Variants in NT5DC3 observed in about 807,000 individuals in gnomAD.
NT5DC3 encodes the protein 5'-nucleotidase domain-containing protein 3.
A neutral mutation model predicts 67.8 loss-of-function variants in NT5DC3; 42 were observed. The observed-to-expected ratio is 0.62, with a 90% CI of 0.48 to 0.80. The LOEUF is 0.80. Ranked by LOEUF, NT5DC3 falls within the 30% of genes least tolerant of loss-of-function variation. The pLI is 0.00. For missense variants in NT5DC3, 570 were observed against 696.4 expected, an observed-to-expected ratio of 0.82 and a Z score of 2.04; for synonymous variants, 237 against 255.6, an observed-to-expected ratio of 0.93 and a Z score of 0.69.
At chr12:103,762,373 C>A in the NT5DC3 span, 2 of 1,614,174 alleles carry the variant, frequency 1.2e-6, no homozygotes, top group Admixed American at 1.7e-5. Flanking sequence ...TCGGATAAAC[C>A]GGAGAACAAT....
At chr12:103,755,220 A>G in the NT5DC3 span, 3 of 1,555,676 alleles carry the variant, frequency 1.9e-6, no homozygotes, top group Non-Finnish European at 2.6e-6. Context: ...TTATGGCCTA[A>G]TAGGGGAATC....
chr12:103,833,722 A>AG (rs2139479896), intron 1 of NT5DC3, among the ~76,000 whole-genome samples: 1 of 151,932 alleles, frequency 6.6e-6, no homozygotes, highest in African/African-American at 2.4e-5. Flanking sequence ...TTCTAATGAA[A>AG]AAAAAAAAAA....
chr12:103,812,038 C>T (rs1189415477), intron 2 of NT5DC3, among the ~76,000 whole-genome samples: 2 of 151,810 alleles, frequency 1.3e-5, no homozygotes, highest in African/African-American at 2.4e-5. Context: ...TCTACCCCTC[C>T]CTTTCTATTC....
At chr12:103,788,623 T>C (rs1192091616) in intron 10 of NT5DC3, among the ~76,000 whole-genome samples, 2 of 152,208 alleles carry the variant, frequency 1.3e-5, no homozygotes, top group Non-Finnish European at 2.9e-5. Context: ...AAATTTTGTT[T>C]TTAAAAAAAC....
chr12:103,798,467 C>T, intron 5 of NT5DC3, 120 bp downstream of exon 5: 1 of 690,558 alleles, frequency 1.4e-6, no homozygotes, highest in Non-Finnish European at 2.6e-6. Flanking sequence ...ACGCTAGTCT[C>T]TCTCAACACA....
At position 103,786,681 on chromosome 12, in the gene NT5DC3, A is replaced by ATTTTTTTTTTTTT. The variant is rs3036176; in HGVS notation, c.1188+747_1188+759dup. ...GATGCCCACCTTCCTCACTGGTTTGATTTTTTTTTTTTTTTTTTTGAGGCA... is the reference window on the plus strand; with the variant it reads ...GATGCCCACCTTCCTCACTGGTTTGATTTTTTTTTTTTTTTTTTTTTTTTTTTTTTTTGAGGCA... On this transcript the variant is annotated intron_variant, in intron 11 of 13. Coordinates refer to ENST00000392876, the MANE Select transcript of NT5DC3 (RefSeq NM_001031701.3). Among the ~76,000 whole-genome samples the ATTTTTTTTTTTTT allele has an allele frequency of 6.0e-5, 8 of 132,378 alleles. 1 individual carries two copies. The highest frequency in any genetic ancestry group is 8.0e-5 in the Admixed American group (1 of 12,502). 86.8% of individuals were successfully genotyped at this position (132,378 alleles called of 152,430 possible).
intron 13 of NT5DC3, among the ~76,000 whole-genome samples, chr12:103,779,977 A>G (rs1395611697): frequency 2.0e-5 from 3 of 152,208 alleles, no homozygotes; most frequent in African/African-American, 7.2e-5. Flanking sequence ...TGCCAGCATT[A>G]TTAACAACTG....
intron 1 of NT5DC3, among the ~76,000 whole-genome samples, chr12:103,821,378 G>A (rs201843685): frequency 6.6e-6 from 1 of 152,106 alleles, no homozygotes; most frequent in African/African-American, 2.4e-5. Flanking sequence ...TGGTCTCATG[G>A]GGTTCCATTC....
chr12:103,764,125 G>A, the NT5DC3 span, among the ~76,000 whole-genome samples: 1 of 151,906 alleles, frequency 6.6e-6, no homozygotes, highest in Non-Finnish European at 1.5e-5. Flanking sequence ...AGCTAACTTT[G>A]TATTGTTAAT....
In NT5DC3 at chr12:103,806,304, A is replaced by G. The variant is rs1188213219; in HGVS notation, c.524+18T>C. 1 of 1,532,698 alleles carries G rather than the reference A, an allele frequency of 6.5e-7. No homozygotes were observed. Among genetic ancestry groups the G allele is most frequent in the Admixed American group, 1.7e-5 (1 of 59,888 alleles). The allele number at this position is 1,532,698 out of a possible 1,614,324, so 94.9% of individuals were successfully genotyped here. Reference sequence around the variant, plus strand: ...TGGTTACTTCACGTAAATTAAATGTATCTCCTCTTACTCTTACCTGTAGAC... The same window carrying G: ...TGGTTACTTCACGTAAATTAAATGTGTCTCCTCTTACTCTTACCTGTAGAC... On this transcript the variant is annotated intron_variant, in intron 4 of 13. Coordinates refer to ENST00000392876, the MANE Select transcript of NT5DC3 (RefSeq NM_001031701.3).
intron 4 of NT5DC3, among the ~76,000 whole-genome samples, chr12:103,801,372 CTTTTTTTTTTTT>C (rs869237844): frequency 1.7e-3 from 137 of 78,942 alleles, no homozygotes; most frequent in African/African-American, 7.1e-3. Context: ...TTGGGGTGGG[CTTTTTTTTTTTT>C]TTTTTTTTTT....
chr12:103,767,130 TGCATCTTCACAGTA>T (rs571973135), downstream of NT5DC3, among the ~76,000 whole-genome samples: 381 of 152,354 alleles, frequency 2.5e-3, no homozygotes, highest in African/African-American at 8.9e-3. Context: ...AACTTGTACA[TGCATCTTCACAGTA>T]GCATTATTCA....
In NT5DC3 at chr12:103,798,754, G is replaced by A; in HGVS notation, c.525-77C>T. 3 of 1,068,336 alleles carry A rather than the reference G, an allele frequency of 2.8e-6. No individual in the cohort carries two copies. The South Asian group carries it at 4.1e-5, about 15-fold the overall frequency. The allele number at this position is 1,068,336 out of a possible 1,614,324, so 66.2% of individuals were successfully genotyped here. On this transcript the variant is annotated intron_variant, in intron 4 of 13. Transcript: ENST00000392876. The stretch of plus-strand genomic sequence containing the variant: ...TTTTCACACCCCTGTGCAGTGCTGG[G>A]ATTTTTCAATTGAGGTGCAAGGCAC...
rs145788912 is a variant in NT5DC3 at position 103,801,625 on chromosome 12, C to T, written c.525-2948G>A. 2.1e-3 allele frequency among the ~76,000 whole-genome samples: 327 copies of T among 152,160 alleles called. 4 individuals are homozygous for T. In the East Asian group the frequency reaches 0.037, roughly 17 times the overall value. ...CTTGATCTCCTGACCTCGTGATCTACCTGCCTCAGCCTCCCAAAGTGCTGG... is the reference window on the plus strand; with the variant it reads ...CTTGATCTCCTGACCTCGTGATCTATCTGCCTCAGCCTCCCAAAGTGCTGG... On this transcript the variant is annotated intron_variant, in intron 4 of 13. Transcript: ENST00000392876.
At chr12:103,762,358 T>C in the NT5DC3 span, 3 of 1,614,242 alleles carry the variant, frequency 1.9e-6, no homozygotes, top group Middle Eastern at 1.6e-4. Context: ...TGCTTACTCC[T>C]ACTTTCGGAT....
At chr12:103,806,765 A>G in intron 3 of NT5DC3, 90 bp downstream of exon 3, 3 of 811,522 alleles carry the variant, frequency 3.7e-6, no homozygotes, top group Non-Finnish European at 2.1e-6. Flanking sequence ...ATTTAAAACT[A>G]ATTTGCCCGT....
At chr12:103,754,591 T>C in the NT5DC3 span, among the ~76,000 whole-genome samples, 1 of 152,000 alleles carries the variant, frequency 6.6e-6, no homozygotes, top group South Asian at 2.1e-4. Flanking sequence ...ATGGTGGTGG[T>C]GATGATGGGG....
intron 1 of NT5DC3, among the ~76,000 whole-genome samples, chr12:103,822,415 A>G (rs181575481): frequency 6.6e-5 from 10 of 152,346 alleles, no homozygotes; most frequent in Non-Finnish European, 1.2e-4. Context: ...ATGTTCAACC[A>G]CTCGAATTAC....
At chr12:103,757,782 T>G in the NT5DC3 span, 3 of 227,686 alleles carry the variant, frequency 1.3e-5, no homozygotes, top group South Asian at 2.2e-4. Context: ...AAGCTAGGCC[T>G]GGGGTCAGAG....
Sources: gnomAD v4.1 joint callset for allele counts (sites outside exome capture counted in the v4.1 genomes callset) on GRCh38, gnomAD v4.1.1 for gene constraint, MANE v1.5 for transcripts, NCBI Gene and HGNC (gene_info 2026-07-23, HGNC 2026-07-21) for gene names.